Variants in NRXN1 observed in about 807,000 individuals in gnomAD.
NRXN1 encodes neurexin 1.
Under a neutral mutation model 150.9 loss-of-function variants are expected in NRXN1, and 39 were observed. The observed-to-expected ratio is 0.26, with a 90% CI of 0.20 to 0.34. The LOEUF (loss-of-function observed/expected upper bound fraction) is 0.34. Among genes scored for constraint, NRXN1 ranks in the 10% least tolerant of loss-of-function variants. The probability of loss-of-function intolerance (pLI) is 1.00; values close to 1 mark genes in which losing one functional copy is unlikely to be tolerated. For missense variants in NRXN1, 1,815 were observed against 1,949.9 expected, an observed-to-expected ratio of 0.93 and a Z score of 1.30; for synonymous variants, 924 against 757.0, an observed-to-expected ratio of 1.22 and a Z score of -3.62.
At chr2:50,459,481 G>A (rs2087935415) in intron 17 of NRXN1, among the ~76,000 whole-genome samples, 1 of 152,026 alleles carries the variant, frequency 6.6e-6, no homozygotes, top group Non-Finnish European at 1.5e-5. Flanking sequence ...CCCTCAAGTA[G>A]ACTGTGGTGT....
At chr2:50,285,061 T>G (rs2152937010) in intron 17 of NRXN1, among the ~76,000 whole-genome samples, 1 of 152,272 alleles carries the variant, frequency 6.6e-6, no homozygotes, top group African/African-American at 2.4e-5. Context: ...ATCCAATTTT[T>G]GGTGAATCAA....
chr2:50,268,329 A>G (rs1370105985), intron 17 of NRXN1, among the ~76,000 whole-genome samples: 1 of 152,218 alleles, frequency 6.6e-6, no homozygotes, highest in African/African-American at 2.4e-5. Context: ...TCATAAACAC[A>G]TAATTTACTA....
At chr2:50,829,410 G>A in intron 5 of NRXN1, 2 of 1,350,982 alleles carry the variant, frequency 1.5e-6, no homozygotes, top group South Asian at 1.2e-5. Context: ...TTACAGGCAT[G>A]AGCCACTGTG....
chr2:50,794,605 G>C (rs1040822152), intron 5 of NRXN1, among the ~76,000 whole-genome samples: 24 of 152,020 alleles, frequency 1.6e-4, no homozygotes, highest in African/African-American at 5.1e-4. Flanking sequence ...AACACAAGGA[G>C]CAATTACTTA....
chr2:50,241,296 T>C (rs948019646), intron 17 of NRXN1, among the ~76,000 whole-genome samples: 8 of 151,812 alleles, frequency 5.3e-5, no homozygotes, highest in Admixed American at 4.6e-4. Flanking sequence ...TTAAAAATTT[T>C]ATCTTTACAG....
intron 15 of NRXN1, among the ~76,000 whole-genome samples, chr2:50,494,834 A>G (rs1204124521): frequency 6.6e-6 from 1 of 152,082 alleles, no homozygotes; most frequent in African/African-American, 2.4e-5. Flanking sequence ...GGAGTTCAAG[A>G]GCAGCCTGAC....
chr2:50,106,310 G>A, intron 18 of NRXN1, among the ~76,000 whole-genome samples: 1 of 151,904 alleles, frequency 6.6e-6, no homozygotes, highest in East Asian at 1.9e-4. Context: ...CAGAATGAGA[G>A]TTTTATGAAT....
At chr2:50,471,477 T>C (rs985966260) in intron 16 of NRXN1, among the ~76,000 whole-genome samples, 4 of 151,922 alleles carry the variant, frequency 2.6e-5, no homozygotes, top group African/African-American at 7.2e-5. Context: ...GGAATATACA[T>C]ACCACATTTT....
chr2:49,953,986 C>T (rs942063125), intron 21 of NRXN1, among the ~76,000 whole-genome samples: 2 of 151,878 alleles, frequency 1.3e-5, no homozygotes, highest in African/African-American at 4.8e-5. Context: ...AACAAGCCTG[C>T]ATATTCTGCA....
chr2:50,926,661 A>G (rs1448647620), intron 2 of NRXN1, among the ~76,000 whole-genome samples: 1 of 151,900 alleles, frequency 6.6e-6, no homozygotes, highest in Non-Finnish European at 1.5e-5. Context: ...CCATAAGGCA[A>G]TTTGGTTTGT....
intron 5 of NRXN1, among the ~76,000 whole-genome samples, chr2:50,711,436 A>C (rs1017060733): frequency 2.0e-5 from 3 of 151,078 alleles, no homozygotes; most frequent in African/African-American, 7.3e-5. Flanking sequence ...CCCAGGTTCA[A>C]GTGATTCTCC....
intron 17 of NRXN1, among the ~76,000 whole-genome samples, chr2:50,284,385 G>A: frequency 6.6e-6 from 1 of 152,084 alleles, no homozygotes; most frequent in East Asian, 1.9e-4. Flanking sequence ...GCCTTTGCTG[G>A]CCTCCCTCAC....
chr2:49,926,654 T>TA (rs1011963015), intron 22 of NRXN1, among the ~76,000 whole-genome samples: 15 of 151,608 alleles, frequency 9.9e-5, no homozygotes, highest in East Asian at 1.9e-4. Flanking sequence ...CATTAAAAAG[T>TA]AAAAAAAAAT....
At chr2:50,058,578 A>C (rs1395878600) in intron 19 of NRXN1, among the ~76,000 whole-genome samples, 1 of 152,190 alleles carries the variant, frequency 6.6e-6, no homozygotes, top group Admixed American at 6.6e-5. Flanking sequence ...TAGAATAAAA[A>C]ACTAATGACT....
At chr2:50,642,705 A>G (rs1354935625) in intron 5 of NRXN1, among the ~76,000 whole-genome samples, 1 of 152,052 alleles carries the variant, frequency 6.6e-6, no homozygotes. Context: ...AATGCAATCT[A>G]CCAAAATTGA....
intron 5 of NRXN1, among the ~76,000 whole-genome samples, chr2:50,768,725 G>C (rs916419028): frequency 1.3e-5 from 2 of 151,922 alleles, no homozygotes; most frequent in East Asian, 1.9e-4. Flanking sequence ...GGGATAGCTG[G>C]TTGCAGCTGG....
At chr2:50,506,281 G>A (rs2092216606) in intron 13 of NRXN1, among the ~76,000 whole-genome samples, 1 of 151,796 alleles carries the variant, frequency 6.6e-6, no homozygotes, top group South Asian at 2.1e-4. Flanking sequence ...ACTATTAAAG[G>A]GCCAAGAATA....
At chr2:50,871,298 A>AT (rs1677747053) in intron 5 of NRXN1, among the ~76,000 whole-genome samples, 1 of 151,862 alleles carries the variant, frequency 6.6e-6, no homozygotes, top group Non-Finnish European at 1.5e-5. Flanking sequence ...CCTGTATGAC[A>AT]TTTTACAAAG....
intron 17 of NRXN1, among the ~76,000 whole-genome samples, chr2:50,316,983 A>C (rs2075660005): frequency 6.6e-6 from 1 of 152,022 alleles, no homozygotes; most frequent in Admixed American, 6.6e-5. Context: ...CAAAAGAAAA[A>C]ATAATAACTG....
Sources: gnomAD v4.1 joint callset for allele counts (sites outside exome capture counted in the v4.1 genomes callset) on GRCh38, gnomAD v4.1.1 for gene constraint, MANE v1.5 for transcripts, NCBI Gene and HGNC (gene_info 2026-07-23, HGNC 2026-07-21) for gene names.